DMD: variants seen among roughly 807,000 people sequenced by gnomAD.
The protein encoded by DMD is mutant dystrophin.
A neutral mutation model predicts 330.1 loss-of-function variants in DMD; 63 were observed. That is an observed-to-expected ratio of 0.19 (90% CI 0.16 to 0.24). The LOEUF (loss-of-function observed/expected upper bound fraction) is 0.24, where lower values mean the gene tolerates loss of function less well. DMD is among the 10% of genes least tolerant of loss of function. The probability of loss-of-function intolerance (pLI) is 1.00; values close to 1 mark genes in which losing one functional copy is unlikely to be tolerated. For missense variants in DMD, 3,344 were observed against 2,684.1 expected, an observed-to-expected ratio of 1.25 and a Z score of -5.43; for synonymous variants, 1,223 against 959.8, an observed-to-expected ratio of 1.27 and a Z score of -5.07.
At chrX:31,649,762 A>G (rs2080335260) in intron 54 of DMD, among the ~76,000 whole-genome samples, 2 of 110,767 alleles carry the variant, frequency 1.8e-5, no homozygotes, top group Non-Finnish European at 3.8e-5. Context: ...TCTCTCCTGA[A>G]GAGCCGAAAG....
chrX:32,701,217 C>T (rs867780962), intron 7 of DMD, among the ~76,000 whole-genome samples: 23 of 111,914 alleles, frequency 2.1e-4, no homozygotes, highest in Middle Eastern at 4.6e-3. Flanking sequence ...AAAAACATTA[C>T]TTATAAGCAG....
chrX:31,145,819 T>G lies in DMD; in HGVS notation c.10921+472A>C, dbSNP rs1225517987. ...CTGGGACTATAGGCGCCCACCACCA[T>G]GCCTGGCTAATTTTTCTATTTTTAG... On this transcript the variant is annotated intron_variant, in intron 76 of 78. Transcript: ENST00000357033. Among the ~76,000 whole-genome samples, 10 of 110,980 alleles carry G rather than the reference T, an allele frequency of 9.0e-5. No individual in the cohort carries two copies. In the Admixed American group the frequency reaches 9.5e-4, roughly 11 times the overall value.
intron 43 of DMD, among the ~76,000 whole-genome samples, chrX:32,256,388 C>T (rs757299677): frequency 4.7e-5 from 5 of 107,355 alleles, no homozygotes; most frequent in Non-Finnish European, 9.6e-5. Context: ...CATCCCTTTG[C>T]TTTGAGCCTA....
chrX:33,191,001 AATAT>A (rs1232317095), intron 1 of DMD, among the ~76,000 whole-genome samples: 8 of 877 alleles, frequency 9.1e-3, no homozygotes, highest in East Asian at 0.12. Flanking sequence ...TATAATATAT[AATAT>A]TATATATATA....
intron 2 of DMD, among the ~76,000 whole-genome samples, chrX:32,993,345 T>C (rs986030254): frequency 3.6e-5 from 4 of 111,621 alleles, no homozygotes; most frequent in African/African-American, 1.3e-4. Flanking sequence ...CGCTCATGCC[T>C]GTAATCCTAG....
intron 30 of DMD, among the ~76,000 whole-genome samples, chrX:32,399,571 C>G (rs1229623004): frequency 9.0e-6 from 1 of 110,807 alleles, no homozygotes; most frequent in Non-Finnish European, 1.9e-5. Flanking sequence ...ATTTATAAAA[C>G]AAGCAATAAC....
At chrX:33,008,236 T>C (rs1327342220) in intron 2 of DMD, among the ~76,000 whole-genome samples, 2 of 111,595 alleles carry the variant, frequency 1.8e-5, no homozygotes, top group African/African-American at 3.2e-5. Context: ...TTAAAAACCA[T>C]ACTCTGCCTT....
At chrX:31,410,731 T>TTATATA (rs200939018) in intron 60 of DMD, among the ~76,000 whole-genome samples, 1 of 106,875 alleles carries the variant, frequency 9.4e-6, no homozygotes, top group African/African-American at 3.4e-5. Flanking sequence ...CAATCGATAA[T>TTATATA]TATATATATA....
intron 44 of DMD, among the ~76,000 whole-genome samples, chrX:32,124,328 C>T (rs950077711): frequency 1.8e-5 from 2 of 112,278 alleles, no homozygotes; most frequent in African/African-American, 6.5e-5. Context: ...AACCATGATT[C>T]GGACCAACGT....
chrX:32,883,684 C>T (rs755207863), intron 2 of DMD, among the ~76,000 whole-genome samples: 2 of 107,804 alleles, frequency 1.9e-5, no homozygotes, highest in South Asian at 8.5e-4. Context: ...ATTAGCCGGG[C>T]ATGGTGGCGG....
At chrX:31,753,164 AGGG>A (rs2088745127) in intron 51 of DMD, among the ~76,000 whole-genome samples, 1 of 112,037 alleles carries the variant, frequency 8.9e-6, no homozygotes, top group Non-Finnish European at 1.9e-5. Context: ...TGGGGGTGTG[AGGG>A]AGGTGGCGAG....
chrX:31,184,720 C>T (rs6527065), intron 67 of DMD, among the ~76,000 whole-genome samples: 8,599 of 70,804 alleles, frequency 0.12, 520 homozygotes, highest in African/African-American at 0.28. Context: ...AACCCAAATG[C>T]CCAACAATGA....
intron 44 of DMD, among the ~76,000 whole-genome samples, chrX:32,020,267 A>G (rs1194156713): frequency 8.9e-6 from 1 of 112,715 alleles, no homozygotes; most frequent in East Asian, 2.8e-4. Flanking sequence ...CCGGCCCAAC[A>G]AATTTCACAC....
intron 1 of DMD, among the ~76,000 whole-genome samples, chrX:33,182,045 G>A (rs1386938366): frequency 1.8e-5 from 2 of 111,717 alleles, no homozygotes; most frequent in Non-Finnish European, 3.8e-5. Context: ...TCTATTTACA[G>A]CTAAGCCACT....
chrX:31,271,863 T>C (rs12841313), intron 62 of DMD, among the ~76,000 whole-genome samples: 2,571 of 64,716 alleles, frequency 0.04, 26 homozygotes, highest in East Asian at 0.14. Context: ...GCAAATATTA[T>C]AGCATACTAA....
At chrX:32,119,775 C>A (rs1225015042) in intron 44 of DMD, among the ~76,000 whole-genome samples, 2 of 112,332 alleles carry the variant, frequency 1.8e-5, no homozygotes, top group Admixed American at 9.4e-5. Context: ...TTAACCACAT[C>A]TGATTGATGT....
rs2097804972 is a variant in DMD, at chrX:32,357,241, A to G, written c.5325+5547T>C. ...CCTAGTCAATCAGAGTTAAATTTGG[A>G]GTCATTTTTGAATTCATCATCTTCT... On this transcript the variant is annotated intron_variant, in intron 37 of 78. Coordinates refer to ENST00000357033, the MANE Select transcript of DMD (RefSeq NM_004006.3). Among the ~76,000 whole-genome samples the G allele has an allele frequency of 2.7e-5, 3 of 111,963 alleles. No individual in the cohort carries two copies. The South Asian group carries it at 1.1e-3, about 42-fold the overall frequency.
intron 13 of DMD, among the ~76,000 whole-genome samples, chrX:32,595,456 T>C (rs2055410992): frequency 9.0e-6 from 1 of 111,546 alleles, no homozygotes; most frequent in Admixed American, 9.5e-5. Flanking sequence ...AATGTCTGCA[T>C]TTAAATTTTT....
chrX:31,850,239 T>A (rs967153695), intron 48 of DMD, among the ~76,000 whole-genome samples: 2 of 112,156 alleles, frequency 1.8e-5, no homozygotes, highest in African/African-American at 6.5e-5. Flanking sequence ...ACTATTGTTA[T>A]GTAAACTAAG....
Sources: gnomAD v4.1 joint callset for allele counts (sites outside exome capture counted in the v4.1 genomes callset) on GRCh38, gnomAD v4.1.1 for gene constraint, MANE v1.5 for transcripts, NCBI Gene and HGNC (gene_info 2026-07-23, HGNC 2026-07-21) for gene names.